LARGE1: variants seen among roughly 807,000 people sequenced by gnomAD.
LARGE1 encodes the protein xylosyl- and glucuronyltransferase LARGE1.
LARGE1 carries 43 observed loss-of-function variants against 87.6 expected under a neutral mutation model. That is an observed-to-expected ratio of 0.49 (90% CI 0.38 to 0.63). The LOEUF is 0.63. Ranked by LOEUF, LARGE1 falls within the 30% of genes least tolerant of loss-of-function variation. The pLI, the probability that LARGE1 is intolerant of heterozygous loss-of-function variation, is 0.00. For synonymous variants in LARGE1, 434 were observed against 394.6 expected, an observed-to-expected ratio of 1.10 and a Z score of -1.18; for missense variants, 802 against 1,000.2, an observed-to-expected ratio of 0.80 and a Z score of 2.67.
intron 11 of LARGE1, among the ~76,000 whole-genome samples, chr22:33,259,340 AC>A (rs1386745506): frequency 1.7e-4 from 26 of 150,376 alleles, no homozygotes; most frequent in African/African-American, 6.2e-4. Flanking sequence ...ACACACACAC[AC>A]ACACACAAAC....
intron 3 of LARGE1, among the ~76,000 whole-genome samples, chr22:33,643,609 T>C (rs2080511563): frequency 6.6e-6 from 1 of 151,984 alleles, no homozygotes; most frequent in African/African-American, 2.4e-5. Context: ...TTCAAAAAAA[T>C]CAGTGAATCC....
intron 9 of LARGE1, among the ~76,000 whole-genome samples, chr22:33,369,458 GT>G (rs71812022): frequency 8.6e-5 from 13 of 151,734 alleles, no homozygotes; most frequent in East Asian, 1.9e-4. Context: ...TATTTTCTTG[GT>G]TTTTTTTTCC....
At chr22:33,261,035 A>G (rs1368399881) in intron 11 of LARGE1, among the ~76,000 whole-genome samples, 1 of 152,212 alleles carries the variant, frequency 6.6e-6, no homozygotes, top group East Asian at 1.9e-4. Flanking sequence ...GGCATGACCC[A>G]AAGTAACAGC....
At chr22:33,899,796 A>G (rs978561962) in intron 1 of LARGE1, among the ~76,000 whole-genome samples, 1 of 152,352 alleles carries the variant, frequency 6.6e-6, no homozygotes, top group South Asian at 2.1e-4. Flanking sequence ...ATGAAAATCT[A>G]TTTAACAAAG....
chr22:33,912,917 G>A (rs1318301371), intron 1 of LARGE1, among the ~76,000 whole-genome samples: 4 of 150,880 alleles, frequency 2.7e-5, no homozygotes, highest in Non-Finnish European at 4.4e-5. Flanking sequence ...TGTAACCTCC[G>A]TCTCTGGAGT....
At chr22:33,353,249 G>C (rs958175148) in intron 9 of LARGE1, among the ~76,000 whole-genome samples, 2 of 152,178 alleles carry the variant, frequency 1.3e-5, no homozygotes, top group Non-Finnish European at 2.9e-5. Context: ...ATTTCTGGAT[G>C]ATGTTTAAAG....
intron 11 of LARGE1, among the ~76,000 whole-genome samples, chr22:33,236,473 T>G (rs1162308237): frequency 6.6e-6 from 1 of 152,190 alleles, no homozygotes; most frequent in Non-Finnish European, 1.5e-5. Flanking sequence ...GTGTTCCTTG[T>G]GATAAGTCTC....
intron 3 of LARGE1, among the ~76,000 whole-genome samples, chr22:33,642,937 A>G (rs1039637317): frequency 1.3e-5 from 2 of 152,098 alleles, no homozygotes; most frequent in African/African-American, 4.8e-5. Context: ...AGACTCCCAC[A>G]CAATAATAGT....
Position 33,805,213 on chromosome 22 carries a change from T to G in LARGE1, c.-82-43655A>C, listed in dbSNP as rs1004180534. On this transcript the variant is annotated intron_variant, in intron 1 of 14. Transcript: ENST00000397394. ...ATATACCTTAAAGACACACCTGGAT[T>G]TGGACTATATCCCAACACTTTGGCC... Among the ~76,000 whole-genome samples the G allele has an allele frequency of 5.9e-5, 9 of 152,300 alleles. No homozygotes were observed. In the East Asian group the frequency reaches 7.8e-4, roughly 13 times the overall value.
At chr22:33,603,245 G>C (rs966559879) in intron 5 of LARGE1, among the ~76,000 whole-genome samples, 1 of 152,138 alleles carries the variant, frequency 6.6e-6, no homozygotes, top group African/African-American at 2.4e-5. Flanking sequence ...AAAGATAATG[G>C]CTTTATGAGG....
At chr22:33,478,342 C>T (rs993213646) in intron 6 of LARGE1, among the ~76,000 whole-genome samples, 1 of 152,246 alleles carries the variant, frequency 6.6e-6, no homozygotes, top group South Asian at 2.1e-4. Context: ...AGGCTTAAAC[C>T]AGTTTCACCC....
At chr22:33,070,920 G>T in the LARGE1 span, among the ~76,000 whole-genome samples, 1 of 152,142 alleles carries the variant, frequency 6.6e-6, no homozygotes, top group Admixed American at 6.5e-5. Context: ...GCAGAGGCTT[G>T]GCAGGCAATC....
In LARGE1 at chr22:33,419,672, TTG is replaced by T. The variant is rs201198862; in HGVS notation, c.892+12487_892+12488del. 1.9e-4 allele frequency among the ~76,000 whole-genome samples: 22 copies of T among 113,588 alleles called. No individual in the cohort carries two copies. In the East Asian group the frequency reaches 2.6e-3, roughly 14 times the overall value. 74.5% of individuals were successfully genotyped at this position (113,588 alleles called of 152,430 possible). ...TTTGTGGCCAGATGAATCTTTGTTT[TTG>T]TTGTTGTTGTTGTTGTTTTTTGTTT... On this transcript the variant is annotated intron_variant, in intron 7 of 14. Coordinates refer to ENST00000397394, the MANE Select transcript of LARGE1 (RefSeq NM_133642.5).
In LARGE1 at chr22:33,766,513, C is replaced by T. The variant is rs1695655266; in HGVS notation, c.-82-4955G>A. ...TGATCTTGGCTCACTGCAACCTCCG[C>T]CTCCCGGGTTCACGCATTCTCCTGC... On this transcript the variant is annotated intron_variant, in intron 1 of 14. Transcript: ENST00000397394. 3.9e-5 allele frequency among the ~76,000 whole-genome samples: 6 copies of T among 152,166 alleles called. No homozygotes were observed. In the South Asian group the frequency reaches 1.2e-3, roughly 32 times the overall value.
intron 2 of LARGE1, among the ~76,000 whole-genome samples, chr22:33,719,531 A>ATTTATTTATTTATTTATTTT (rs1202304747): frequency 6.7e-6 from 1 of 149,716 alleles, no homozygotes; most frequent in African/African-American, 2.5e-5. Context: ...TTATTTATTT[A>ATTTATTTATTTATTTATTTT]TTTTTTTGAG....
Position 33,849,652 on chromosome 22 carries a change from G to A in LARGE1, c.-83+70343C>T, listed in dbSNP as rs570727441. Among the ~76,000 whole-genome samples, 62 of 129,902 alleles carry A rather than the reference G, an allele frequency of 4.8e-4. No individual in the cohort carries two copies. In the South Asian group the frequency reaches 0.015, roughly 31 times the overall value. 85.2% of individuals were successfully genotyped at this position (129,902 alleles called of 152,430 possible). On this transcript the variant is annotated intron_variant, in intron 1 of 14. Coordinates refer to ENST00000397394, the MANE Select transcript of LARGE1 (RefSeq NM_133642.5). ...CTCAGTCTGTTGTCCAGGCTGGAGT[G>A]CAGTGGTGCGATCTTGGCTCACTGC...
At chr22:33,242,248 C>A (rs745802159) in intron 11 of LARGE1, among the ~76,000 whole-genome samples, 4 of 152,084 alleles carry the variant, frequency 2.6e-5, no homozygotes, top group Non-Finnish European at 5.9e-5. Context: ...GACCTCAGGG[C>A]AGTTATGTAC....
chr22:33,630,563 C>T (rs2149093434), intron 3 of LARGE1, among the ~76,000 whole-genome samples: 1 of 152,098 alleles, frequency 6.6e-6, no homozygotes, highest in East Asian at 1.9e-4. Context: ...TATCTCTTAA[C>T]ATAGAAAAAG....
intron 6 of LARGE1, among the ~76,000 whole-genome samples, chr22:33,523,996 A>G (rs1025677650): frequency 6.6e-6 from 1 of 152,166 alleles, no homozygotes; most frequent in African/African-American, 2.4e-5. Context: ...CTACACCTCT[A>G]TAAAAATCAA....
Sources: allele counts gnomAD v4.1 joint callset (sites outside exome capture counted in the v4.1 genomes callset), GRCh38; gene constraint gnomAD v4.1.1; transcripts MANE v1.5; gene names NCBI Gene and HGNC (gene_info 2026-07-23, HGNC 2026-07-21).